ARHGEF28: variants seen among roughly 807,000 people sequenced by gnomAD.
ARHGEF28 encodes Rho guanine nucleotide exchange factor 28.
Under a neutral mutation model 206.6 loss-of-function variants are expected in ARHGEF28, and 152 were observed. The observed-to-expected ratio is 0.74, with a 90% CI of 0.64 to 0.84. The LOEUF (loss-of-function observed/expected upper bound fraction) is 0.84. ARHGEF28 is among the 40% of genes least tolerant of loss of function. The probability of loss-of-function intolerance (pLI) is 0.00; values close to 1 mark genes in which losing one functional copy is unlikely to be tolerated. For synonymous variants in ARHGEF28, 763 were observed against 776.4 expected (o/e 0.98, Z 0.29); for missense variants, 2,028 against 2,073.2 (o/e 0.98, Z 0.42).
chr5:73,720,171 A>G (rs1028860475), intron 2 of ARHGEF28, among the ~76,000 whole-genome samples: 1 of 152,240 alleles, frequency 6.6e-6, no homozygotes, highest in Non-Finnish European at 1.5e-5. Context: ...AACAACATAG[A>G]CATGTATTTC....
intron 1 of ARHGEF28, among the ~76,000 whole-genome samples, chr5:73,634,185 T>C (rs1171952352): frequency 6.6e-6 from 1 of 152,178 alleles, no homozygotes; most frequent in Non-Finnish European, 1.5e-5. Flanking sequence ...AAGTGTTATT[T>C]AGGCTGAAAT....
chr5:73,817,111 A>G (rs1256180352), intron 9 of ARHGEF28, among the ~76,000 whole-genome samples: 1 of 152,260 alleles, frequency 6.6e-6, no homozygotes, highest in African/African-American at 2.4e-5. Flanking sequence ...AGTATAAATC[A>G]TTAGGCCCCA....
chr5:73,822,976 G>T (rs1460262494), intron 9 of ARHGEF28, among the ~76,000 whole-genome samples: 55 of 152,060 alleles, frequency 3.6e-4, no homozygotes, highest in Admixed American at 3.6e-3. Flanking sequence ...CTTTCTTCTG[G>T]GTAACACTAA....
At chr5:73,762,153 CT>C (rs1300935008) in intron 4 of ARHGEF28, among the ~76,000 whole-genome samples, 1 of 151,810 alleles carries the variant, frequency 6.6e-6, no homozygotes, top group Admixed American at 6.6e-5. Flanking sequence ...TCCTTGCCCT[CT>C]TTAAAAAAAT....
chr5:73,844,376 C>A (rs957433744), intron 11 of ARHGEF28, among the ~76,000 whole-genome samples: 1 of 152,114 alleles, frequency 6.6e-6, no homozygotes, highest in African/African-American at 2.4e-5. Flanking sequence ...AAGCTTCAGC[C>A]CGCCTTGAAA....
chr5:73,692,308 C>T (rs993276034), intron 2 of ARHGEF28, among the ~76,000 whole-genome samples: 3 of 152,072 alleles, frequency 2.0e-5, no homozygotes, highest in Non-Finnish European at 2.9e-5. Flanking sequence ...CCCTTCCACC[C>T]TTCTGAGGTG....
rs540367817 is a variant in ARHGEF28 at position 73,721,353 on chromosome 5, A to G, written c.34-28484A>G. 5.3e-5 allele frequency among the ~76,000 whole-genome samples: 8 copies of G among 152,294 alleles called. No individual in the cohort carries two copies. The South Asian group carries it at 1.7e-3, about 32-fold the overall frequency. ...ACCATCTTCTTGAGTCACTGCCTACATGAACCCTCTAGTGAAACCCTTGAG... is the reference window on the plus strand; with the variant it reads ...ACCATCTTCTTGAGTCACTGCCTACGTGAACCCTCTAGTGAAACCCTTGAG... On this transcript the variant is annotated intron_variant, in intron 2 of 35. Transcript: ENST00000513042.
At chr5:73,833,108 T>C (rs1028120307) in intron 10 of ARHGEF28, among the ~76,000 whole-genome samples, 3 of 152,200 alleles carry the variant, frequency 2.0e-5, no homozygotes, top group Non-Finnish European at 4.4e-5. Flanking sequence ...AGCTCAGTGA[T>C]CTTCAAATTT....
intron 35 of ARHGEF28, among the ~76,000 whole-genome samples, chr5:73,934,279 T>C (rs1165930316): frequency 6.6e-6 from 1 of 152,232 alleles, no homozygotes. Context: ...TTTGATTAGA[T>C]GCAGGCTTTA....
At chr5:73,776,742 A>G in intron 6 of ARHGEF28, 46 bp downstream of exon 6, 3 of 1,495,078 alleles carry the variant, frequency 2.0e-6, no homozygotes, top group Non-Finnish European at 2.7e-6. Context: ...TGCTTCAGAG[A>G]ATGCAGGCAT....
chr5:73,845,785 A>C (rs1466982293), intron 11 of ARHGEF28, among the ~76,000 whole-genome samples: 3 of 152,002 alleles, frequency 2.0e-5, no homozygotes, highest in African/African-American at 4.8e-5. Context: ...CATTGAGCCC[A>C]GGAGTTTGAG....
chr5:73,772,832 C>T (rs1739398179), intron 4 of ARHGEF28, among the ~76,000 whole-genome samples: 1 of 152,106 alleles, frequency 6.6e-6, no homozygotes, highest in South Asian at 2.1e-4. Context: ...GTTGGTTAGT[C>T]TTGTGGAAGG....
chr5:73,846,593 T>TG (rs1758381546), intron 12 of ARHGEF28, 118 bp downstream of exon 12: 1 of 940,596 alleles, frequency 1.1e-6, no homozygotes, highest in Non-Finnish European at 1.6e-6. Context: ...ACTATTTTTT[T>TG]GAGACCCATG....
chr5:73,744,020 C>T (rs983158845), intron 2 of ARHGEF28, among the ~76,000 whole-genome samples: 7 of 152,026 alleles, frequency 4.6e-5, no homozygotes, highest in Non-Finnish European at 7.4e-5. Context: ...TCAGTGTTCT[C>T]TTTAATAAAC....
rs1762763243 is a variant in ARHGEF28, at chr5:73,909,637, C to T, written c.4387C>T (p.Arg1463Trp). 3 of 1,546,510 alleles carry T rather than the reference C, an allele frequency of 1.9e-6. No homozygotes were observed. Among genetic ancestry groups the T allele is most frequent in the African/African-American group, 1.4e-5 (1 of 73,014 alleles). The change falls in exon 34 of 36, where the codon CGG becomes TGG. Residue 1463 changes from arginine (R) to tryptophan (W), a missense_variant. Arg to Trp is a moderately radical substitution (Grantham distance 101, BLOSUM62 -3). Transcript: ENST00000513042. ...GCTGCGCAGGTGTGAGCAGCAGCAG[C>T]GGGCGCAGGCGACCAGGGAGAGCTG... ...RWLRRCEQQQ[R>W]AQATRESWLQ...
chr5:73,926,181 T>C (rs1425588481), intron 35 of ARHGEF28, among the ~76,000 whole-genome samples: 1 of 152,196 alleles, frequency 6.6e-6, no homozygotes, highest in Non-Finnish European at 1.5e-5. Flanking sequence ...CAAATCAGTT[T>C]TCATTCTGAC....
chr5:73,689,344 ATT>A (rs1201508886), intron 2 of ARHGEF28, among the ~76,000 whole-genome samples: 1 of 151,968 alleles, frequency 6.6e-6, no homozygotes, highest in African/African-American at 2.4e-5. Flanking sequence ...TATTTGATTT[ATT>A]TTTTTAAATT....
chr5:73,918,928 A>C (rs1339889021), intron 35 of ARHGEF28, among the ~76,000 whole-genome samples: 1 of 152,126 alleles, frequency 6.6e-6, no homozygotes, highest in Non-Finnish European at 1.5e-5. Context: ...CATTCTTCTT[A>C]GTTGATTCTG....
At chr5:73,647,601 T>G (rs1744515319) in intron 1 of ARHGEF28, among the ~76,000 whole-genome samples, 1 of 152,258 alleles carries the variant, frequency 6.6e-6, no homozygotes, top group East Asian at 1.9e-4. Context: ...CTACTATATC[T>G]AAAATATTGT....
Sources: gnomAD v4.1 joint callset for allele counts (sites outside exome capture counted in the v4.1 genomes callset) on GRCh38, gnomAD v4.1.1 for gene constraint, MANE v1.5 for transcripts, NCBI Gene and HGNC (gene_info 2026-07-23, HGNC 2026-07-21) for gene names.